GNPNAT1: variants seen among roughly 807,000 people sequenced by gnomAD.
GNPNAT1 encodes the protein glucosamine-phosphate N-acetyltransferase 1.
Under a neutral mutation model 19.8 loss-of-function variants are expected in GNPNAT1, and 11 were observed. That is an observed-to-expected ratio of 0.56 (90% confidence interval 0.35 to 0.92). The LOEUF is 0.92. Ranked by LOEUF, GNPNAT1 falls within the 40% of genes least tolerant of loss-of-function variation. The probability of loss-of-function intolerance (pLI) is 0.01; values close to 1 mark genes in which losing one functional copy is unlikely to be tolerated. For synonymous variants in GNPNAT1, 71 were observed against 72.3 expected, an observed-to-expected ratio of 0.98 and a Z score of 0.09; for missense variants, 157 against 211.0, an observed-to-expected ratio of 0.74 and a Z score of 1.59.
rs1239954780 is a variant in GNPNAT1, at chr14:52,777,029, T to C, written c.*1282A>G. 6.6e-6 allele frequency: 1 copy of C among 152,212 alleles called. No homozygotes were observed. Among genetic ancestry groups the C allele is most frequent in the Non-Finnish European group, 1.5e-5 (1 of 68,032 alleles). The allele number at this position is 152,212 out of a possible 1,614,324, so 9.4% of individuals were successfully genotyped here. A position where few individuals can be genotyped will look rare whatever the true frequency, so the allele number is the denominator to read the frequency against. On this transcript the variant is annotated 3_prime_UTR_variant, in exon 6 of 6. Transcript: ENST00000216410. ...ATAAGCAGGTAAGTAGTGCACTCTA[T>C]TGGTGAAGGATTTCTGTTGTTTTGG...
intron 2 of GNPNAT1, 47 bp from the exon 3 acceptor site, chr14:52,783,532 G>A: frequency 7.9e-7 from 1 of 1,263,658 alleles, no homozygotes; most frequent in Non-Finnish European, 1.2e-6. Flanking sequence ...GCAAAAGGAA[G>A]ACAGTATGAA....
At position 52,776,863 on chromosome 14, in the gene GNPNAT1, C is replaced by CG. The variant is rs1354926460; in HGVS notation, c.*1447_*1448insC. On this transcript the variant is annotated 3_prime_UTR_variant, in exon 6 of 6. Coordinates refer to ENST00000216410, the MANE Select transcript of GNPNAT1 (RefSeq NM_198066.4). Reference sequence around the variant, plus strand: ...AGCCACTGCACCCGGCCTTACCAGGCTAATTTTTAAAAACATGCGTTTTTA... The same window carrying CG: ...AGCCACTGCACCCGGCCTTACCAGGCGTAATTTTTAAAAACATGCGTTTTTA... 1 of 152,148 alleles carries CG rather than the reference C, an allele frequency of 6.6e-6. No individual in the cohort carries two copies. The highest frequency in any genetic ancestry group is 1.9e-4 in the East Asian group (1 of 5,198). The allele number at this position is 152,148 out of a possible 1,614,324, so 9.4% of individuals were successfully genotyped here. A position where few individuals can be genotyped will look rare whatever the true frequency, so the allele number is the denominator to read the frequency against.
rs1882793737 is a variant in GNPNAT1, at chr14:52,778,438, AAAGT to A, written c.424_427del (p.Thr142CysfsTer2). On this transcript the variant is annotated frameshift_variant, in exon 6 of 6. Coordinates refer to ENST00000216410, the MANE Select transcript of GNPNAT1 (RefSeq NM_198066.4). LOFTEE classifies it high-confidence loss of function. ...GTAACAGTTCAGTTTCTTGCTTAGC[AAAGT>A]AAGGGTTGATAATAACCTGAAATTT... The A allele has an allele frequency of 6.2e-7, 1 of 1,607,694 alleles. No homozygotes were observed. Among genetic ancestry groups the A allele is most frequent in the African/African-American group, 1.3e-5 (1 of 74,588 alleles).
chr14:52,786,279 T>C (rs1047382131), intron 1 of GNPNAT1, among the ~76,000 whole-genome samples: 4 of 151,486 alleles, frequency 2.6e-5, no homozygotes, highest in African/African-American at 9.7e-5. Context: ...CAGAGGCAGG[T>C]AGATCACCAG....
intron 3 of GNPNAT1, among the ~76,000 whole-genome samples, chr14:52,783,059 A>AC (rs1882930959): frequency 6.6e-6 from 1 of 151,888 alleles, no homozygotes; most frequent in Admixed American, 6.6e-5. Flanking sequence ...ATACAAATAA[A>AC]CCCCAAAATA....
chr14:52,786,393 A>G (rs956739546), intron 1 of GNPNAT1, among the ~76,000 whole-genome samples: 1 of 151,830 alleles, frequency 6.6e-6, no homozygotes, highest in Non-Finnish European at 1.5e-5. Flanking sequence ...AATCCCAGCT[A>G]CTTGGGAGGC....
At chr14:52,788,189 T>A (rs768033329) in intron 1 of GNPNAT1, among the ~76,000 whole-genome samples, 2 of 152,090 alleles carry the variant, frequency 1.3e-5, no homozygotes, top group Non-Finnish European at 2.9e-5. Context: ...GGTGCAATCA[T>A]AGCTCACTGC....
intron 1 of GNPNAT1, among the ~76,000 whole-genome samples, chr14:52,786,267 G>C (rs1025398052): frequency 6.6e-6 from 1 of 151,836 alleles, no homozygotes; most frequent in East Asian, 2.0e-4. Flanking sequence ...CACTTTGAGA[G>C]GCAGAGGCAG....
chr14:52,788,663 CAT>C (rs1246081601), intron 1 of GNPNAT1, among the ~76,000 whole-genome samples: 1 of 152,156 alleles, frequency 6.6e-6, no homozygotes, highest in Non-Finnish European at 1.5e-5. Flanking sequence ...TGCTATTAAA[CAT>C]ATAGTTGTAA....
chr14:52,781,950 T>C (rs1482364639), intron 3 of GNPNAT1, 39 bp from the exon 4 acceptor site: 2 of 1,535,964 alleles, frequency 1.3e-6, no homozygotes, highest in Non-Finnish European at 1.7e-6. Context: ...ATAGTAGACA[T>C]TCAATTTTAT....
chr14:52,782,428 T>C (rs755644500), intron 3 of GNPNAT1, among the ~76,000 whole-genome samples: 11 of 152,156 alleles, frequency 7.2e-5, no homozygotes, highest in Non-Finnish European at 1.0e-4. Flanking sequence ...GACTTGCTCT[T>C]GTTTGCTTTG....
chr14:52,783,698 G>A (rs1882947455), intron 2 of GNPNAT1, among the ~76,000 whole-genome samples: 1 of 152,066 alleles, frequency 6.6e-6, no homozygotes, highest in Non-Finnish European at 1.5e-5. Flanking sequence ...GCCTGCATAA[G>A]ATGTTTTAAA....
chr14:52,788,562 A>C (rs1883078160), intron 1 of GNPNAT1, among the ~76,000 whole-genome samples: 1 of 152,224 alleles, frequency 6.6e-6, no homozygotes, highest in Non-Finnish European at 1.5e-5. Flanking sequence ...AGGTATGTAG[A>C]TAAACAGGCT....
intron 1 of GNPNAT1, among the ~76,000 whole-genome samples, chr14:52,785,697 C>T (rs926899048): frequency 1.3e-5 from 2 of 150,690 alleles, no homozygotes; most frequent in African/African-American, 2.4e-5. Context: ...TGCACTCCAG[C>T]CTGGGCAATG....
chr14:52,780,600 G>C, intron 5 of GNPNAT1, 79 bp downstream of exon 5: 1 of 838,926 alleles, frequency 1.2e-6, no homozygotes, highest in Non-Finnish European at 2.0e-6. Flanking sequence ...AAGCCAAAAA[G>C]AACTTCAAAC....
chr14:52,790,503 C>T (rs11620764), intron 1 of GNPNAT1, among the ~76,000 whole-genome samples: 55,036 of 152,042 alleles, frequency 0.36, 10,315 homozygotes, highest in South Asian at 0.41. Context: ...GATAGTTTGA[C>T]CTTTACAATC....
Position 52,787,798 on chromosome 14 carries a change from T to C in GNPNAT1, c.-14-3134A>G, listed in dbSNP as rs556326730. Reference sequence around the variant, plus strand: ...ATGCTAGTTAGCAATAAATTTAAAATTAAAGTTTATAAATTCTTGTTCATT... The same window carrying C: ...ATGCTAGTTAGCAATAAATTTAAAACTAAAGTTTATAAATTCTTGTTCATT... On this transcript the variant is annotated intron_variant, in intron 1 of 5. Transcript: ENST00000216410. The C allele has an allele frequency of 2.0e-5, 3 of 152,216 alleles. No homozygotes were observed. The East Asian group carries it at 5.9e-4, about 30-fold the overall frequency. 9.4% of individuals were successfully genotyped at this position (152,216 alleles called of 1,614,324 possible).
chr14:52,782,547 T>C lies in GNPNAT1; in HGVS notation c.218-636A>G, dbSNP rs529157005. On this transcript the variant is annotated intron_variant, in intron 3 of 5. Coordinates refer to ENST00000216410, the MANE Select transcript of GNPNAT1 (RefSeq NM_198066.4). ...CCCCTCAAATGGATTTTCAGTACTA[T>C]TGCTGAAATAACATGGTTTCTCATC... Among the ~76,000 whole-genome samples the C allele has an allele frequency of 1.6e-3, 236 of 152,194 alleles. 1 individual carries two copies. The highest frequency in any genetic ancestry group is 5.5e-3 in the African/African-American group (228 of 41,572).
At chr14:52,780,775 T>C in intron 4 of GNPNAT1, 35 bp from the exon 5 acceptor site, 1 of 1,323,444 alleles carries the variant, frequency 7.6e-7, no homozygotes, top group Non-Finnish European at 1.1e-6. Flanking sequence ...GGAGTAAGCA[T>C]TTACTTTTGT....
Sources: allele counts gnomAD v4.1 joint callset (sites outside exome capture counted in the v4.1 genomes callset), GRCh38; gene constraint gnomAD v4.1.1; transcripts MANE v1.5; gene names NCBI Gene and HGNC (gene_info 2026-07-23, HGNC 2026-07-21).